The following ZNF804B variants were observed in gnomAD, a reference collection of about 807,000 sequenced individuals.
ZNF804B encodes zinc finger protein 804B, also known as zinc finger 804B.
Under a neutral mutation model 101.4 loss-of-function variants are expected in ZNF804B, and 80 were observed. The observed-to-expected ratio is 0.79, with a 90% CI of 0.66 to 0.95. ZNF804B has a LOEUF of 0.95. Among genes scored for constraint, ZNF804B ranks in the 40% least tolerant of loss-of-function variants. The pLI, the probability that ZNF804B is intolerant of heterozygous loss-of-function variation, is 0.00. For missense variants in ZNF804B, 1,673 were observed against 1,561.9 expected (o/e 1.07, Z -1.20); for synonymous variants, 622 against 558.8 (o/e 1.11, Z -1.59).
At chr7:89,245,083 A>C (rs995218476) in intron 2 of ZNF804B, among the ~76,000 whole-genome samples, 1 of 152,218 alleles carries the variant, frequency 6.6e-6, no homozygotes, top group African/African-American at 2.4e-5. Flanking sequence ...AGGTGTGATT[A>C]ATAAGAGATT....
intron 1 of ZNF804B, among the ~76,000 whole-genome samples, chr7:88,952,010 A>G (rs527703551): frequency 1.3e-5 from 2 of 151,970 alleles, no homozygotes; most frequent in Admixed American, 6.6e-5. Context: ...GAAATGCTTA[A>G]GAGAATATTC....
intron 1 of ZNF804B, among the ~76,000 whole-genome samples, chr7:89,145,856 G>A (rs1790783258): frequency 6.6e-6 from 1 of 151,694 alleles, no homozygotes; most frequent in African/African-American, 2.4e-5. Context: ...TAAAGCTTAG[G>A]ATAAGGAATT....
chr7:89,030,115 A>G (rs781123653), intron 1 of ZNF804B, among the ~76,000 whole-genome samples: 1 of 152,240 alleles, frequency 6.6e-6, no homozygotes, highest in South Asian at 2.1e-4. Flanking sequence ...GAGATGAGTC[A>G]CTGTGATCAT....
chr7:89,092,729 T>C (rs981410644), intron 1 of ZNF804B, among the ~76,000 whole-genome samples: 1 of 152,180 alleles, frequency 6.6e-6, no homozygotes, highest in Non-Finnish European at 1.5e-5. Flanking sequence ...TTGGAAACTT[T>C]TGCAATTGTC....
chr7:89,168,713 C>T (rs917467962), intron 1 of ZNF804B, among the ~76,000 whole-genome samples: 1 of 126,868 alleles, frequency 7.9e-6, no homozygotes, highest in Non-Finnish European at 1.6e-5. Flanking sequence ...TTTGCACGGG[C>T]CTGCTCATGC....
intron 1 of ZNF804B, among the ~76,000 whole-genome samples, chr7:88,896,355 T>A (rs974636787): frequency 6.6e-6 from 1 of 152,144 alleles, no homozygotes; most frequent in Non-Finnish European, 1.5e-5. Flanking sequence ...CTGGAACTGT[T>A]TTGTGAATGT....
intron 1 of ZNF804B, among the ~76,000 whole-genome samples, chr7:88,857,945 C>A (rs1791596480): frequency 6.7e-6 from 1 of 149,276 alleles, no homozygotes; most frequent in East Asian, 2.0e-4. Flanking sequence ...GCGTCAGCCT[C>A]CTGAATAGTT....
intron 1 of ZNF804B, among the ~76,000 whole-genome samples, chr7:88,852,328 CG>C (rs1791459869): frequency 2.0e-5 from 3 of 151,916 alleles, no homozygotes; most frequent in Non-Finnish European, 1.5e-5. Context: ...AGTTGGTATT[CG>C]TTTGAGGATA....
chr7:88,938,245 C>T (rs773382232), intron 1 of ZNF804B, among the ~76,000 whole-genome samples: 6 of 151,840 alleles, frequency 4.0e-5, no homozygotes, highest in Non-Finnish European at 7.4e-5. Flanking sequence ...ATTGTGCAGA[C>T]CAAAGTTCTT....
At chr7:89,213,375 A>T (rs1020150629) in intron 1 of ZNF804B, among the ~76,000 whole-genome samples, 1 of 152,252 alleles carries the variant, frequency 6.6e-6, no homozygotes, top group African/African-American at 2.4e-5. Flanking sequence ...GTGAAGGGTC[A>T]AATGTGGGCT....
intron 2 of ZNF804B, among the ~76,000 whole-genome samples, chr7:89,259,407 T>C (rs942523038): frequency 1.3e-5 from 2 of 152,230 alleles, no homozygotes; most frequent in African/African-American, 2.4e-5. Flanking sequence ...TCACGCATAA[T>C]ACCTGGGTAC....
At chr7:89,111,907 C>T (rs1337235019) in intron 1 of ZNF804B, among the ~76,000 whole-genome samples, 1 of 151,882 alleles carries the variant, frequency 6.6e-6, no homozygotes, top group African/African-American at 2.4e-5. Flanking sequence ...AGTTTGACAC[C>T]AGTCTGGCCA....
intron 1 of ZNF804B, among the ~76,000 whole-genome samples, chr7:88,869,065 GT>G (rs1318139347): frequency 6.6e-6 from 1 of 151,966 alleles, no homozygotes; most frequent in African/African-American, 2.4e-5. Context: ...TATTTAGTCT[GT>G]TTTTTTAAAA....
chr7:88,864,872 G>A (rs941674617), intron 1 of ZNF804B, among the ~76,000 whole-genome samples: 1 of 152,178 alleles, frequency 6.6e-6, no homozygotes, highest in Non-Finnish European at 1.5e-5. Flanking sequence ...AAGTGCATAA[G>A]AAGTGACTAA....
chr7:89,275,081 A>G (rs888637220), intron 2 of ZNF804B, among the ~76,000 whole-genome samples: 1 of 151,988 alleles, frequency 6.6e-6, no homozygotes, highest in African/African-American at 2.4e-5. Flanking sequence ...TCTAATAGGC[A>G]TCTGAAAATT....
chr7:89,254,732 G>A (rs542112944), intron 2 of ZNF804B, among the ~76,000 whole-genome samples: 41 of 151,174 alleles, frequency 2.7e-4, no homozygotes, highest in African/African-American at 8.3e-4. Flanking sequence ...TGCAGCCTCC[G>A]CCTCCCAGGT....
chr7:89,107,026 T>C (rs1275844014), intron 1 of ZNF804B, among the ~76,000 whole-genome samples: 2 of 152,078 alleles, frequency 1.3e-5, no homozygotes, highest in Non-Finnish European at 2.9e-5. Context: ...ATGGAGATGT[T>C]ATTACAGTTG....
chr7:88,941,860 T>C (rs1182492834), intron 1 of ZNF804B, among the ~76,000 whole-genome samples: 1 of 151,892 alleles, frequency 6.6e-6, no homozygotes, highest in African/African-American at 2.4e-5. Context: ...CCCATTGACA[T>C]TTCTGGGTTG....
intron 1 of ZNF804B, among the ~76,000 whole-genome samples, chr7:89,084,860 T>C (rs1459282768): frequency 1.3e-5 from 2 of 151,972 alleles, no homozygotes; most frequent in Non-Finnish European, 2.9e-5. Context: ...GGATTTTTAC[T>C]TCTTCAATAA....
Sources: gnomAD v4.1 joint callset for allele counts (sites outside exome capture counted in the v4.1 genomes callset) on GRCh38, gnomAD v4.1.1 for gene constraint, MANE v1.5 for transcripts, NCBI Gene and HGNC (gene_info 2026-07-23, HGNC 2026-07-21) for gene names.